Variants in KCNK2 observed in about 807,000 individuals in gnomAD.
KCNK2 encodes potassium channel subfamily K member 2.
Under a neutral mutation model 40.5 loss-of-function variants are expected in KCNK2, and 21 were observed. That is an observed-to-expected ratio of 0.52 (90% confidence interval 0.37 to 0.75). The LOEUF (loss-of-function observed/expected upper bound fraction) is 0.75. KCNK2 is among the 30% of genes least tolerant of loss of function. KCNK2 has a pLI of 0.00. For missense variants in KCNK2, 399 were observed against 531.6 expected (o/e 0.75, Z 2.45); for synonymous variants, 191 against 202.2 (o/e 0.94, Z 0.47).
chr1:215,179,774 G>C (rs941564080), intron 5 of KCNK2, among the ~76,000 whole-genome samples: 1 of 151,984 alleles, frequency 6.6e-6, no homozygotes, highest in Admixed American at 6.6e-5. Context: ...TTTGCTTTAT[G>C]GCTGAGCATG....
rs185003312 is a variant in KCNK2 at position 215,055,136 on chromosome 1, G to C, written c.35-31232G>C. Reference sequence around the variant, plus strand: ...ATAACTAGTTTGTGTTATTTTAAAAGTATCTATGGTACTTTGTCTCTTAAA... The same window carrying C: ...ATAACTAGTTTGTGTTATTTTAAAACTATCTATGGTACTTTGTCTCTTAAA... On this transcript the variant is annotated intron_variant, in intron 1 of 6. Transcript: ENST00000391895. Among the ~76,000 whole-genome samples the C allele has an allele frequency of 1.6e-3, 241 of 152,254 alleles. 1 individual carries two copies. The highest frequency in any genetic ancestry group is 5.2e-3 in the African/African-American group (217 of 41,542).
chr1:215,118,982 A>C (rs544755436), intron 2 of KCNK2, among the ~76,000 whole-genome samples: 1 of 152,282 alleles, frequency 6.6e-6, no homozygotes, highest in African/African-American at 2.4e-5. Flanking sequence ...GATGAACATA[A>C]ACATCTCAGT....
chr1:215,184,793 GA>G (rs1664362313), intron 5 of KCNK2, among the ~76,000 whole-genome samples: 1 of 151,930 alleles, frequency 6.6e-6, no homozygotes. Context: ...ATTTGGGTGG[GA>G]ACACAGCCCA....
At chr1:215,144,030 G>A (rs997065663) in intron 3 of KCNK2, among the ~76,000 whole-genome samples, 2 of 152,086 alleles carry the variant, frequency 1.3e-5, no homozygotes, top group Non-Finnish European at 2.9e-5. Flanking sequence ...TGTAAATATT[G>A]AATTAAGTAA....
At chr1:215,186,885 A>C (rs1664460838) in intron 5 of KCNK2, among the ~76,000 whole-genome samples, 1 of 152,226 alleles carries the variant, frequency 6.6e-6, no homozygotes, top group South Asian at 2.1e-4. Context: ...TGTTGCTAAG[A>C]GTGGCAAGTG....
intron 2 of KCNK2, among the ~76,000 whole-genome samples, chr1:215,096,234 A>G (rs764858482): frequency 1.3e-5 from 2 of 151,824 alleles, no homozygotes; most frequent in Non-Finnish European, 2.9e-5. Flanking sequence ...ACATCTTTCC[A>G]CACATGATTT....
chr1:215,077,579 G>A (rs1226368275), intron 1 of KCNK2, among the ~76,000 whole-genome samples: 1 of 152,020 alleles, frequency 6.6e-6, no homozygotes, highest in Non-Finnish European at 1.5e-5. Context: ...TTTCTTCTGC[G>A]ATGAAAATTC....
intron 2 of KCNK2, among the ~76,000 whole-genome samples, chr1:215,086,912 A>G (rs1659469959): frequency 1.3e-5 from 2 of 151,856 alleles, no homozygotes. Flanking sequence ...TCTCTCTCCC[A>G]GTGTTCCTTC....
chr1:215,071,557 G>A (rs1387010758), intron 1 of KCNK2, among the ~76,000 whole-genome samples: 1 of 152,126 alleles, frequency 6.6e-6, no homozygotes, highest in Non-Finnish European at 1.5e-5. Context: ...TGTTGCAGAA[G>A]TCAGCAGGTA....
intron 2 of KCNK2, among the ~76,000 whole-genome samples, chr1:215,091,519 T>C (rs926465122): frequency 6.6e-6 from 1 of 152,208 alleles, no homozygotes; most frequent in African/African-American, 2.4e-5. Context: ...AATTCCATAA[T>C]CATTCATTCA....
chr1:215,061,553 C>T (rs987846636), intron 1 of KCNK2, among the ~76,000 whole-genome samples: 3 of 151,998 alleles, frequency 2.0e-5, no homozygotes, highest in Non-Finnish European at 1.5e-5. Flanking sequence ...GCTTTACTGG[C>T]ATGGGATTTT....
rs1269870581 is a variant in KCNK2 at position 215,083,358 on chromosome 1, A to G, written c.-28A>G. The G allele has an allele frequency of 3.1e-6, 5 of 1,613,974 alleles. No homozygotes were observed. The Admixed American group carries it at 6.7e-5, about 22-fold the overall frequency. ...AAAAAGCTTCAAGTCCGTCTTTTTC[A>G]AAAAACATTTTGAATGCTGCATGCC... On this transcript the variant is annotated 5_prime_UTR_variant, in exon 1 of 7. Transcript: ENST00000444842.
intron 3 of KCNK2, among the ~76,000 whole-genome samples, chr1:215,139,248 TGTGTGTGTGAAA>T (rs1413614990): frequency 1.3e-5 from 2 of 152,148 alleles, no homozygotes; most frequent in African/African-American, 2.4e-5. Context: ...TGTATGGATA[TGTGTGTGTGAAA>T]GTGTGTGTGT....
intron 2 of KCNK2, 43 bp from the exon 3 acceptor site, chr1:215,124,590 G>T (rs192489824): frequency 4.5e-6 from 5 of 1,117,484 alleles, no homozygotes; most frequent in Non-Finnish European, 6.9e-6. Context: ...TGATGCCTCT[G>T]TGTGATTCAT....
At chr1:215,161,001 TCA>T (rs1446117868) in intron 3 of KCNK2, among the ~76,000 whole-genome samples, 1 of 152,148 alleles carries the variant, frequency 6.6e-6, no homozygotes, top group African/African-American at 2.4e-5. Context: ...TGTGTCCGTC[TCA>T]GAGAAATGTT....
At chr1:215,096,730 A>T (rs1659993720) in intron 2 of KCNK2, among the ~76,000 whole-genome samples, 1 of 151,954 alleles carries the variant, frequency 6.6e-6, no homozygotes, top group Non-Finnish European at 1.5e-5. Context: ...CTGATACAAC[A>T]CATTTTTAAA....
rs533575617 is a variant in KCNK2 at position 215,064,361 on chromosome 1, G to A, written c.35-22007G>A. On this transcript the variant is annotated intron_variant, in intron 1 of 6. Transcript: ENST00000391895. Reference sequence around the variant, plus strand: ...TGTGTGTGTACGTGTTTTTGTTTGTGTGTGTGTGTAATATGAATCCAACCA... The same window carrying A: ...TGTGTGTGTACGTGTTTTTGTTTGTATGTGTGTGTAATATGAATCCAACCA... Among the ~76,000 whole-genome samples the A allele has an allele frequency of 1.1e-4, 17 of 152,106 alleles. No homozygotes were observed. In the South Asian group the frequency reaches 3.5e-3, roughly 31 times the overall value.
At chr1:215,144,805 C>G (rs1468519501) in intron 3 of KCNK2, among the ~76,000 whole-genome samples, 1 of 152,080 alleles carries the variant, frequency 6.6e-6, no homozygotes, top group Non-Finnish European at 1.5e-5. Flanking sequence ...TCGAGCAATT[C>G]TGTGAGGGAT....
intron 2 of KCNK2, among the ~76,000 whole-genome samples, chr1:215,124,271 A>G (rs17024313): frequency 0.01 from 1,529 of 152,286 alleles, 31 homozygotes; most frequent in African/African-American, 0.035. Context: ...TATTGTAACT[A>G]TAGTTTGCAA....
Sources: allele counts gnomAD v4.1 joint callset (sites outside exome capture counted in the v4.1 genomes callset), GRCh38; gene constraint gnomAD v4.1.1; transcripts MANE v1.5; gene names NCBI Gene and HGNC (gene_info 2026-07-23, HGNC 2026-07-21).